The following SYNE2 variants were observed in gnomAD, a reference collection of about 807,000 sequenced individuals.
SYNE2 encodes the protein spectrin repeat containing nuclear envelope protein 2, also known as nesprin-2.
Under a neutral mutation model 856.3 loss-of-function variants are expected in SYNE2, and 431 were observed. The ratio of observed to expected loss-of-function variants is 0.50; its 90% CI spans 0.47 to 0.55. The LOEUF (loss-of-function observed/expected upper bound fraction) is 0.55. Among genes scored for constraint, SYNE2 ranks in the 20% least tolerant of loss-of-function variants. The probability of loss-of-function intolerance (pLI) is 0.00; values close to 1 mark genes in which losing one functional copy is unlikely to be tolerated. For missense variants in SYNE2, 8,129 were observed against 8,023.2 expected, an observed-to-expected ratio of 1.01 and a Z score of -0.50; for synonymous variants, 2,923 against 2,872.3, an observed-to-expected ratio of 1.02 and a Z score of -0.56.
intron 2 of SYNE2, among the ~76,000 whole-genome samples, chr14:63,925,986 T>C (rs2095659614): frequency 6.6e-6 from 1 of 151,718 alleles, no homozygotes; most frequent in South Asian, 2.1e-4. Context: ...CCCAAACAGG[T>C]GCGCGCCATG....
At chr14:64,053,702 C>A (rs763828337) in intron 48 of SYNE2, 45 bp downstream of exon 48, 2 of 1,580,816 alleles carry the variant, frequency 1.3e-6, no homozygotes, top group South Asian at 1.2e-5. Context: ...TGCGGGGGCT[C>A]ACGCCTGTAA....
At chr14:64,032,842 G>A (rs1320813661) in intron 45 of SYNE2, among the ~76,000 whole-genome samples, 1 of 152,176 alleles carries the variant, frequency 6.6e-6, no homozygotes, top group Non-Finnish European at 1.5e-5. Context: ...GATGTTGTAT[G>A]TGTAAAAGAA....
intron 1 of SYNE2, among the ~76,000 whole-genome samples, chr14:63,813,305 T>C (rs930304624): frequency 6.6e-6 from 1 of 152,218 alleles, no homozygotes; most frequent in African/African-American, 2.4e-5. Context: ...AGAAAAATCG[T>C]GTTTCAGTAG....
rs1391430915 is a variant in SYNE2, at chr14:64,128,441, T to A, written c.13918-11T>A. On this transcript the variant is annotated splice_polypyrimidine_tract_variant and intron_variant, in intron 73 of 115. Coordinates refer to ENST00000555002, the MANE Select transcript of SYNE2 (RefSeq NM_182914.3). ...AATGAGATTGCTCAGTTTCCGACAT[T>A]TATCTTACAGAATGAAATAAAGAGA... 7 of 1,446,924 alleles carry A rather than the reference T, an allele frequency of 4.8e-6. No individual in the cohort carries two copies. Among genetic ancestry groups the A allele is most frequent in the Non-Finnish European group, 6.8e-6 (7 of 1,027,794 alleles). 89.6% of individuals were successfully genotyped at this position (1,446,924 alleles called of 1,614,324 possible).
chr14:63,969,989 T>C (rs2096453556), intron 11 of SYNE2, among the ~76,000 whole-genome samples: 1 of 152,206 alleles, frequency 6.6e-6, no homozygotes, highest in Non-Finnish European at 1.5e-5. Context: ...TTCCTGCTTA[T>C]CTTTAATAAT....
intron 1 of SYNE2, among the ~76,000 whole-genome samples, chr14:63,772,363 A>AAAC (rs1566557091): frequency 3.3e-5 from 5 of 151,860 alleles, no homozygotes; most frequent in Non-Finnish European, 7.4e-5. Flanking sequence ...CAAAAACAAA[A>AAAC]AAACAAACAA....
chr14:64,078,744 C>A, intron 55 of SYNE2, 138 bp downstream of exon 55: 1 of 1,078,468 alleles, frequency 9.3e-7, no homozygotes, highest in Non-Finnish European at 1.4e-6. Flanking sequence ...GGGGCATCAC[C>A]TAGAGAGGCT....
intron 1 of SYNE2, among the ~76,000 whole-genome samples, chr14:63,788,382 G>A (rs931940281): frequency 5.9e-5 from 9 of 152,138 alleles, no homozygotes; most frequent in African/African-American, 1.2e-4. Flanking sequence ...GCTTATCACC[G>A]GCTCCTTGGA....
intron 6 of SYNE2, among the ~76,000 whole-genome samples, chr14:63,943,492 CTA>C (rs1048467861): frequency 1.3e-4 from 19 of 151,898 alleles, no homozygotes; most frequent in Non-Finnish European, 2.6e-4. Flanking sequence ...CAGAGACAGA[CTA>C]TATATTATTT....
At position 63,963,888 on chromosome 14, in the gene SYNE2, G is replaced by A; in HGVS notation, c.889-11G>A. 6.3e-7 allele frequency: 1 copy of A among 1,599,102 alleles called. No individual in the cohort carries two copies. Among genetic ancestry groups the A allele is most frequent in the Non-Finnish European group, 8.6e-7 (1 of 1,167,112 alleles). On this transcript the variant is annotated splice_polypyrimidine_tract_variant and intron_variant, in intron 9 of 115. Coordinates refer to ENST00000555002, the MANE Select transcript of SYNE2 (RefSeq NM_182914.3). ...TAAAATATAGTTTAATTTTGTGTGT[G>A]TAAAATACAGGGAAAGGTGAAAGAT...
At chr14:64,145,784 C>G (rs1465690515) in intron 83 of SYNE2, among the ~76,000 whole-genome samples, 1 of 152,040 alleles carries the variant, frequency 6.6e-6, no homozygotes, top group Non-Finnish European at 1.5e-5. Flanking sequence ...GAAAAAATAT[C>G]GAATGTTGGG....
At chr14:63,913,552 T>A (rs978906216) in intron 2 of SYNE2, among the ~76,000 whole-genome samples, 2 of 151,086 alleles carry the variant, frequency 1.3e-5, no homozygotes, top group African/African-American at 4.9e-5. Context: ...AACCTCCGCC[T>A]CCAGAGTTCA....
intron 2 of SYNE2, among the ~76,000 whole-genome samples, chr14:63,930,684 A>G (rs1289736715): frequency 1.3e-5 from 2 of 151,832 alleles, no homozygotes; most frequent in East Asian, 3.9e-4. Flanking sequence ...ACAGGTGCCC[A>G]CCACCACGCC....
At chr14:64,159,276 A>T (rs1440780729) in intron 86 of SYNE2, 36 bp from the exon 87 acceptor site, 1 of 1,613,098 alleles carries the variant, frequency 6.2e-7, no homozygotes, top group East Asian at 2.2e-5. Flanking sequence ...TAGCCAGGCC[A>T]TTCTGAAACT....
intron 11 of SYNE2, among the ~76,000 whole-genome samples, chr14:63,969,382 C>A (rs1391050372): frequency 7.1e-6 from 1 of 139,870 alleles, no homozygotes; most frequent in Non-Finnish European, 1.5e-5. Context: ...TGTTCTGTCG[C>A]CATGCTGGAG....
At chr14:64,045,165 C>T (rs2153567609) in intron 45 of SYNE2, among the ~76,000 whole-genome samples, 1 of 152,252 alleles carries the variant, frequency 6.6e-6, no homozygotes, top group East Asian at 1.9e-4. Flanking sequence ...ATTCTGTTGG[C>T]TTTTCTGCCA....
rs544480546 is a variant in SYNE2 at position 64,062,001 on chromosome 14, T to A, written c.10068-750T>A. Among the ~76,000 whole-genome samples, 132 of 152,346 alleles carry A rather than the reference T, an allele frequency of 8.7e-4. 2 individuals are homozygous for A. The South Asian group carries it at 0.024, about 27-fold the overall frequency. On this transcript the variant is annotated intron_variant, in intron 49 of 115. Transcript: ENST00000555002. ...TTCATGCGTTTTAAGAGTTGTTTTT[T>A]AAGAATAATTTGATATAGAGTTTTT...
Position 63,869,659 on chromosome 14 carries a change from A to C in SYNE2, c.-52+16516A>C, listed in dbSNP as rs923742073. ...CTCAAAAAAAAAAAAAAAAAAAAAA[A>C]CTGCTCCCAATAAATAATTTGCAAA... On this transcript the variant is annotated intron_variant, in intron 1 of 115. Coordinates refer to ENST00000555002, the MANE Select transcript of SYNE2 (RefSeq NM_182914.3). 4.5e-3 allele frequency among the ~76,000 whole-genome samples: 670 copies of C among 150,138 alleles called. 3 individuals are homozygous for C. The highest frequency in any genetic ancestry group is 0.014 in the Middle Eastern group (4 of 294).
At chr14:64,036,059 C>G (rs1175133141) in intron 45 of SYNE2, among the ~76,000 whole-genome samples, 1 of 152,088 alleles carries the variant, frequency 6.6e-6, no homozygotes, top group Non-Finnish European at 1.5e-5. Context: ...GTTTTCTTTA[C>G]TGTGTGACCT....
Sources: gnomAD v4.1 joint callset for allele counts (sites outside exome capture counted in the v4.1 genomes callset) on GRCh38, gnomAD v4.1.1 for gene constraint, MANE v1.5 for transcripts, NCBI Gene and HGNC (gene_info 2026-07-23, HGNC 2026-07-21) for gene names.